Variants in ERO1A observed in about 807,000 individuals in gnomAD.
ERO1A encodes the protein ERO1-like protein alpha.
A neutral mutation model predicts 76.9 loss-of-function variants in ERO1A; 49 were observed. The observed-to-expected ratio is 0.64, with a 90% CI of 0.51 to 0.81. The LOEUF (loss-of-function observed/expected upper bound fraction) is 0.81. Ranked by LOEUF, ERO1A falls within the 30% of genes least tolerant of loss-of-function variation. The pLI is 0.00. For synonymous variants in ERO1A, 174 were observed against 181.2 expected, an observed-to-expected ratio of 0.96 and a Z score of 0.32; for missense variants, 448 against 542.1, an observed-to-expected ratio of 0.83 and a Z score of 1.72.
chr14:52,683,788 C>A lies in ERO1A; in HGVS notation c.234G>T (p.Lys78Asn). The part of the protein sequence containing the change: ...LLESDYFRYY[K>N]VNLKRPCPFW... Reference sequence around the variant, plus strand: ...TATAAAAAATTAAAATTAAAAATACCTTGTAATACCTAAAGTAGTCACTTT... The same window carrying A: ...TATAAAAAATTAAAATTAAAAATACATTGTAATACCTAAAGTAGTCACTTT... Residue 78 changes from lysine to asparagine, a missense_variant and splice_region_variant, in exon 2 of 16, where the codon AAG becomes AAT. Transcript: ENST00000395686. 2 of 1,358,174 alleles carry A rather than the reference C, an allele frequency of 1.5e-6. No homozygotes were observed. The highest frequency in any genetic ancestry group is 2.4e-5 in the East Asian group (1 of 41,086). The allele number at this position is 1,358,174 out of a possible 1,614,324, so 84.1% of individuals were successfully genotyped here. A position where few individuals can be genotyped will look rare whatever the true frequency, so the allele number is the denominator to read the frequency against.
At chr14:52,654,545 TA>T (rs999607689) in intron 11 of ERO1A, among the ~76,000 whole-genome samples, 2 of 152,312 alleles carry the variant, frequency 1.3e-5, no homozygotes, top group African/African-American at 4.8e-5. Context: ...TATATAAATG[TA>T]GCAAACAAAC....
In ERO1A at chr14:52,695,531, C is replaced by G; in HGVS notation, c.-50G>C. ...CACGCTTGGGAGGCCAGTCCGCACG[C>G]TCGGTCGCGGGCCGTGCGCCCTCAG... is the stretch of plus-strand genomic sequence containing the variant. On this transcript the variant is annotated 5_prime_UTR_variant, in exon 1 of 16. Transcript: ENST00000395686. 2 of 1,359,170 alleles carry G rather than the reference C, an allele frequency of 1.5e-6. No individual in the cohort carries two copies. Among genetic ancestry groups the G allele is most frequent in the Non-Finnish European group, 2.0e-6 (2 of 1,019,996 alleles). The allele number at this position is 1,359,170 out of a possible 1,614,324, so 84.2% of individuals were successfully genotyped here.
At chr14:52,664,820 T>C (rs1427549307) in intron 7 of ERO1A, among the ~76,000 whole-genome samples, 5 of 151,856 alleles carry the variant, frequency 3.3e-5, no homozygotes, top group African/African-American at 4.8e-5. Flanking sequence ...GCCTCTCGAG[T>C]AGCTGGGACT....
At chr14:52,686,938 C>G (rs1255344330) in intron 1 of ERO1A, among the ~76,000 whole-genome samples, 1 of 152,026 alleles carries the variant, frequency 6.6e-6, no homozygotes, top group Non-Finnish European at 1.5e-5. Context: ...TAACTACAAC[C>G]ACAGGTAGCA....
At chr14:52,654,201 C>T (rs2039968625) in intron 11 of ERO1A, among the ~76,000 whole-genome samples, 1 of 152,030 alleles carries the variant, frequency 6.6e-6, no homozygotes, top group African/African-American at 2.4e-5. Flanking sequence ...GGTTCTCATG[C>T]TAGACTTATA....
intron 6 of ERO1A, among the ~76,000 whole-genome samples, chr14:52,670,989 T>C (rs961291319): frequency 7.9e-5 from 12 of 152,230 alleles, no homozygotes; most frequent in Non-Finnish European, 1.3e-4. Context: ...CTCTGTAACC[T>C]TTTAGCAATA....
At chr14:52,652,855 C>T (rs1453994383) in intron 12 of ERO1A, among the ~76,000 whole-genome samples, 3 of 151,768 alleles carry the variant, frequency 2.0e-5, no homozygotes, top group Non-Finnish European at 4.4e-5. Flanking sequence ...AAAATTAGCC[C>T]GGTGTGGTGG....
intron 2 of ERO1A, among the ~76,000 whole-genome samples, 164 bp downstream of exon 2, chr14:52,683,624 G>C (rs908756853): frequency 6.6e-6 from 1 of 152,012 alleles, no homozygotes; most frequent in Non-Finnish European, 1.5e-5. Flanking sequence ...ATTATCCAAT[G>C]GATGGTTTCA....
chr14:52,672,523 C>T (rs1176297450), intron 4 of ERO1A, among the ~76,000 whole-genome samples: 3 of 151,904 alleles, frequency 2.0e-5, no homozygotes, highest in Admixed American at 2.0e-4. Flanking sequence ...AATCCCAGCA[C>T]TTTGGAAGGC....
At chr14:52,665,895 A>T (rs927809023) in intron 7 of ERO1A, among the ~76,000 whole-genome samples, 2 of 152,266 alleles carry the variant, frequency 1.3e-5, no homozygotes, top group Non-Finnish European at 2.9e-5. Flanking sequence ...TAACATGCTT[A>T]CCACAATGCC....
At chr14:52,669,221 A>G (rs1433819024) in intron 6 of ERO1A, among the ~76,000 whole-genome samples, 2 of 152,224 alleles carry the variant, frequency 1.3e-5, no homozygotes, top group African/African-American at 4.8e-5. Context: ...CAAATGGGCA[A>G]GTGATTCACC....
intron 9 of ERO1A, 30 bp downstream of exon 9, chr14:52,661,263 T>C (rs1391864797): frequency 9.7e-6 from 9 of 932,086 alleles, no homozygotes; most frequent in Non-Finnish European, 1.4e-5. Flanking sequence ...AACAAATTCA[T>C]ATATGTAATA....
At chr14:52,646,013 G>A (rs1225284624) in intron 15 of ERO1A, 141 bp downstream of exon 15, 1 of 939,970 alleles carries the variant, frequency 1.1e-6, no homozygotes, top group Non-Finnish European at 1.5e-6. Context: ...TCCAGCCTGG[G>A]CTACAGACCA....
intron 1 of ERO1A, among the ~76,000 whole-genome samples, chr14:52,689,954 T>C (rs936254036): frequency 6.6e-6 from 1 of 152,142 alleles, no homozygotes; most frequent in African/African-American, 2.4e-5. Flanking sequence ...TGGAAAACAA[T>C]AGAAAGCCCA....
Position 52,645,950 on chromosome 14 carries a change from C to T in ERO1A, c.1346+204G>A, listed in dbSNP as rs566742835. Among the ~76,000 whole-genome samples the T allele has an allele frequency of 2.0e-5, 3 of 152,212 alleles. No homozygotes were observed. The South Asian group carries it at 6.2e-4, about 32-fold the overall frequency. On this transcript the variant is annotated intron_variant, in intron 15 of 15. Coordinates refer to ENST00000395686, the MANE Select transcript of ERO1A (RefSeq NM_014584.3). ...ACTTGGGAGGCTAAGTTGGGAGAAT[C>T]GCTTGAACCCAGAAGGTGGAGGTCG...
rs1265111800 is a variant in ERO1A, at chr14:52,646,969, GTTTC to G, written c.1126-512_1126-509del. ...TGGAAAGGAAAAAAAAAATCCTTTG[GTTTC>G]TTTTTTTTTTTTTTTTTTTTTTTTT... On this transcript the variant is annotated intron_variant, in intron 13 of 15. Coordinates refer to ENST00000395686, the MANE Select transcript of ERO1A (RefSeq NM_014584.3). 398 of 110,628 alleles carry G rather than the reference GTTTC, an allele frequency of 3.6e-3. 36 individuals carry two copies. The highest frequency in any genetic ancestry group is 3.9e-3 in the Non-Finnish European group (223 of 56,728). The allele number at this position is 110,628 out of a possible 1,614,324, so 6.9% of individuals were successfully genotyped here.
At chr14:52,684,946 G>GA (rs1271163069) in intron 1 of ERO1A, among the ~76,000 whole-genome samples, 3 of 151,826 alleles carry the variant, frequency 2.0e-5, no homozygotes, top group Non-Finnish European at 4.4e-5. Flanking sequence ...ACAAACTTAG[G>GA]AAAAAACTGT....
At chr14:52,666,620 A>C in intron 6 of ERO1A, 125 bp from the exon 7 acceptor site, 2 of 922,458 alleles carry the variant, frequency 2.2e-6, no homozygotes, top group Non-Finnish European at 3.2e-6. Flanking sequence ...GAATTTTAAA[A>C]CAACTTTTCA....
At chr14:52,656,039 A>G (rs2040032030) in intron 11 of ERO1A, among the ~76,000 whole-genome samples, 1 of 152,198 alleles carries the variant, frequency 6.6e-6, no homozygotes, top group Admixed American at 6.5e-5. Context: ...AACTACAAAT[A>G]CATTATTTTG....
Sources: allele counts gnomAD v4.1 joint callset (sites outside exome capture counted in the v4.1 genomes callset), GRCh38; gene constraint gnomAD v4.1.1; transcripts MANE v1.5; gene names NCBI Gene and HGNC (gene_info 2026-07-23, HGNC 2026-07-21).